The following STX8 variants were observed in gnomAD, a reference collection of about 807,000 sequenced individuals.
STX8 encodes syntaxin 8.
A neutral mutation model predicts 37.5 loss-of-function variants in STX8; 23 were observed. The observed-to-expected ratio is 0.61, with a 90% CI of 0.44 to 0.87. The LOEUF (loss-of-function observed/expected upper bound fraction) is 0.87, where lower values mean the gene tolerates loss of function less well. STX8 is among the 40% of genes least tolerant of loss of function. The probability of loss-of-function intolerance (pLI) is 0.00; values close to 1 mark genes in which losing one functional copy is unlikely to be tolerated. For synonymous variants in STX8, 115 were observed against 99.1 expected (o/e 1.16, Z -0.95); for missense variants, 313 against 284.7 (o/e 1.10, Z -0.71).
chr17:9,250,588 G>T lies in STX8; in HGVS notation c.701C>A (p.Pro234Gln). Residue 234 changes from proline to glutamine, a missense_variant, in exon 8 of 8, where the codon CCG becomes CAG. Pro to Gln is a moderately conservative substitution (Grantham distance 76, BLOSUM62 -1). Transcript: ENST00000306357. ...GTCTCTTTACTGCCATCAGTTGGTCGGCCAGACTGCAACAACCACGATAGC... is the reference window on the plus strand; with the variant it reads ...GTCTCTTTACTGCCATCAGTTGGTCTGCCAGACTGCAACAACCACGATAGC... Reference protein sequence around the residue: ...LVAIVVVAVWPTN With the variant: ...LVAIVVVAVWQTN The T allele has an allele frequency of 6.3e-7, 1 of 1,595,412 alleles. No individual in the cohort carries two copies. Among genetic ancestry groups the T allele is most frequent in the East Asian group, 2.2e-5 (1 of 44,450 alleles).
chr17:9,365,731 C>T (rs1035349879), intron 7 of STX8, among the ~76,000 whole-genome samples: 6 of 152,200 alleles, frequency 3.9e-5, no homozygotes, highest in African/African-American at 1.2e-4. Flanking sequence ...CCCAGCACTT[C>T]GGGAGGCCGA....
chr17:9,460,895 A>G (rs561731356), intron 6 of STX8, among the ~76,000 whole-genome samples: 2 of 152,030 alleles, frequency 1.3e-5, no homozygotes, highest in South Asian at 4.2e-4. Flanking sequence ...ACATGGGAAT[A>G]ATAATAATAC....
At chr17:9,473,893 A>G (rs1905986663) in intron 6 of STX8, among the ~76,000 whole-genome samples, 1 of 152,210 alleles carries the variant, frequency 6.6e-6, no homozygotes, top group Non-Finnish European at 1.5e-5. Context: ...ATCAGATAAT[A>G]ACTCACGGTA....
At chr17:9,375,501 T>C (rs1179091663) in intron 7 of STX8, among the ~76,000 whole-genome samples, 3 of 152,208 alleles carry the variant, frequency 2.0e-5, no homozygotes. Context: ...TCTATGAATA[T>C]ATTCATTCCA....
intron 3 of STX8, among the ~76,000 whole-genome samples, chr17:9,546,590 GGT>G (rs1491579630): frequency 1.5e-3 from 92 of 62,196 alleles, no homozygotes; most frequent in East Asian, 3.1e-3. Flanking sequence ...CTACAAAAGT[GGT>G]TTTTTTTTTT....
chr17:9,446,359 G>A (rs570019854), intron 6 of STX8, among the ~76,000 whole-genome samples: 10 of 152,262 alleles, frequency 6.6e-5, no homozygotes, highest in East Asian at 5.8e-4. Flanking sequence ...AAAATTTCAT[G>A]AGCATTTTCC....
intron 6 of STX8, among the ~76,000 whole-genome samples, chr17:9,488,846 G>GTGTT (rs1360761109): frequency 6.0e-5 from 9 of 151,140 alleles, no homozygotes; most frequent in Admixed American, 1.3e-4. Context: ...GTGTGTGTGT[G>GTGTT]TTTTGAGAGT....
chr17:9,417,708 A>C (rs1913249595), intron 6 of STX8, among the ~76,000 whole-genome samples: 1 of 152,168 alleles, frequency 6.6e-6, no homozygotes, highest in East Asian at 1.9e-4. Flanking sequence ...CCCCAAACCC[A>C]ACCTCTGAGG....
At chr17:9,508,078 A>G (rs1904902774) in intron 4 of STX8, among the ~76,000 whole-genome samples, 1 of 152,198 alleles carries the variant, frequency 6.6e-6, no homozygotes, top group South Asian at 2.1e-4. Context: ...ATAGACCCCA[A>G]TGATAGAGAA....
intron 4 of STX8, among the ~76,000 whole-genome samples, chr17:9,522,541 C>CAAAAAAAAAAAA (rs33970359): frequency 1.5e-5 from 1 of 66,900 alleles, no homozygotes; most frequent in Non-Finnish European, 3.5e-5. Context: ...ACTAAAAATC[C>CAAAAAAAAAAAA]AAAAAAAAAA....
At chr17:9,260,565 A>C (rs1386784516) in intron 7 of STX8, among the ~76,000 whole-genome samples, 1 of 152,186 alleles carries the variant, frequency 6.6e-6, no homozygotes, top group Non-Finnish European at 1.5e-5. Flanking sequence ...CGGAGGTTGC[A>C]GTGAGCCGAG....
intron 3 of STX8, 23 bp downstream of exon 3, chr17:9,557,411 G>C (rs1246247659): frequency 6.3e-7 from 1 of 1,581,060 alleles, no homozygotes; most frequent in South Asian, 1.1e-5. Context: ...CTAGAAAAGA[G>C]GTGGAAATGT....
intron 6 of STX8, among the ~76,000 whole-genome samples, chr17:9,412,917 A>G (rs1376781710): frequency 6.6e-6 from 1 of 152,228 alleles, no homozygotes; most frequent in African/African-American, 2.4e-5. Context: ...CAAAGAAAAA[A>G]ATCATGAGAA....
chr17:9,393,914 C>T (rs1912311821), intron 6 of STX8, among the ~76,000 whole-genome samples: 1 of 151,916 alleles, frequency 6.6e-6, no homozygotes, highest in African/African-American at 2.4e-5. Flanking sequence ...TGTGTAGTGG[C>T]TAAACAAACC....
intron 6 of STX8, among the ~76,000 whole-genome samples, chr17:9,397,142 A>G (rs1354111848): frequency 6.6e-6 from 1 of 152,242 alleles, no homozygotes; most frequent in Non-Finnish European, 1.5e-5. Flanking sequence ...CCACGCCTGT[A>G]ATCCCAGCAC....
At chr17:9,414,783 C>CTTTTTTTTTTTTTTTTTTTTT (rs10552538) in intron 6 of STX8, among the ~76,000 whole-genome samples, 1 of 57,436 alleles carries the variant, frequency 1.7e-5, no homozygotes. Flanking sequence ...CTGAGTTCTG[C>CTTTTTTTTTTTTTTTTTTTTT]TTTTTTTTTT....
chr17:9,315,175 C>CA lies in STX8; in HGVS notation c.643+63376dup, dbSNP rs536353961. Among the ~76,000 whole-genome samples the CA allele has an allele frequency of 3.5e-4, 52 of 148,320 alleles. 1 individual carries two copies. The South Asian group carries it at 0.011, about 31-fold the overall frequency. ...AAAAAACAAAAACAAAAACAAAAAA[C>CA]AAAAAAAACCTGAGTTCCTGGCCAT... is the stretch of plus-strand genomic sequence containing the variant. On this transcript the variant is annotated intron_variant, in intron 7 of 7. Transcript: ENST00000306357.
chr17:9,430,818 T>A (rs1913935262), intron 6 of STX8, among the ~76,000 whole-genome samples: 1 of 152,008 alleles, frequency 6.6e-6, no homozygotes, highest in African/African-American at 2.4e-5. Context: ...CCTGGCTAAT[T>A]TTTTGTATTT....
intron 7 of STX8, among the ~76,000 whole-genome samples, chr17:9,341,879 G>A (rs1910371799): frequency 6.6e-6 from 1 of 152,180 alleles, no homozygotes; most frequent in South Asian, 2.1e-4. Context: ...GCTATAGTGG[G>A]AGGTTTCCAT....
Sources: allele counts gnomAD v4.1 joint callset (sites outside exome capture counted in the v4.1 genomes callset), GRCh38; gene constraint gnomAD v4.1.1; transcripts MANE v1.5; gene names NCBI Gene and HGNC (gene_info 2026-07-23, HGNC 2026-07-21).